Variants in GNAT3 observed in about 807,000 individuals in gnomAD.
GNAT3 encodes the protein G protein subunit alpha transducin 3.
In GNAT3, 31 loss-of-function variants were observed where a neutral mutation model predicts 37.7. The observed-to-expected ratio is 0.82, with a 90% CI of 0.62 to 1.11. The LOEUF (loss-of-function observed/expected upper bound fraction) is 1.11, where lower values mean the gene tolerates loss of function less well. Ranked by LOEUF, GNAT3 falls within the 50% of genes most tolerant of loss-of-function variation. The pLI is 0.00. For synonymous variants in GNAT3, 138 were observed against 139.8 expected (o/e 0.99, Z 0.09); for missense variants, 437 against 412.5 (o/e 1.06, Z -0.51).
intron 7 of GNAT3, among the ~76,000 whole-genome samples, chr7:80,459,401 G>A (rs1790012135): frequency 6.6e-6 from 1 of 152,184 alleles, no homozygotes; most frequent in Non-Finnish European, 1.5e-5. Context: ...GATTTTTGTA[G>A]AGGAATTGTA....
intron 5 of GNAT3, among the ~76,000 whole-genome samples, chr7:80,472,875 C>A (rs1345869316): frequency 6.6e-6 from 1 of 152,104 alleles, no homozygotes; most frequent in African/African-American, 2.4e-5. Context: ...TATTAGGTAA[C>A]CTGGAATTGG....
At chr7:80,488,397 A>G in intron 3 of GNAT3, 138 bp downstream of exon 3, 1 of 632,584 alleles carries the variant, frequency 1.6e-6, no homozygotes, top group Non-Finnish European at 2.6e-6. Context: ...TACACAAAAC[A>G]GAATTAATGT....
At position 80,507,342 on chromosome 7, in the gene GNAT3, C is replaced by T. The variant is rs1790966881; in HGVS notation, c.118+4467G>A. Among the ~76,000 whole-genome samples, 4 of 151,674 alleles carry T rather than the reference C, an allele frequency of 2.6e-5. No individual in the cohort carries two copies. In the South Asian group the frequency reaches 8.3e-4, roughly 32 times the overall value. Reference sequence around the variant, plus strand: ...AGGGATAATTAAAAAAAAATAAAGACATTAAAAAGCACACATAGAATAAAA... The same window carrying T: ...AGGGATAATTAAAAAAAAATAAAGATATTAAAAAGCACACATAGAATAAAA... On this transcript the variant is annotated intron_variant, in intron 1 of 7. Coordinates refer to ENST00000398291, the MANE Select transcript of GNAT3 (RefSeq NM_001102386.3).
chr7:80,465,408 C>T (rs1790114376), intron 5 of GNAT3, among the ~76,000 whole-genome samples: 1 of 152,044 alleles, frequency 6.6e-6, no homozygotes, highest in Non-Finnish European at 1.5e-5. Context: ...CTCATTTAAA[C>T]CTCTTCAGGA....
At chr7:80,466,987 T>G (rs781550625) in intron 5 of GNAT3, among the ~76,000 whole-genome samples, 32 of 152,162 alleles carry the variant, frequency 2.1e-4, no homozygotes, top group Non-Finnish European at 3.2e-4. Context: ...TGGCCTTATG[T>G]TCCTCATAAC....
At chr7:80,465,290 C>A (rs1356779367) in intron 5 of GNAT3, among the ~76,000 whole-genome samples, 1 of 152,026 alleles carries the variant, frequency 6.6e-6, no homozygotes, top group Non-Finnish European at 1.5e-5. Flanking sequence ...TAGTTGAGAT[C>A]ATGACTTTCA....
intron 4 of GNAT3, among the ~76,000 whole-genome samples, chr7:80,474,705 C>T (rs1790276941): frequency 2.6e-5 from 4 of 152,114 alleles, no homozygotes; most frequent in Admixed American, 2.6e-4. Flanking sequence ...TCAACATTGC[C>T]TTAACCTGTA....
intron 2 of GNAT3, among the ~76,000 whole-genome samples, chr7:80,494,276 A>G (rs534309502): frequency 1.1e-4 from 17 of 152,316 alleles, no homozygotes; most frequent in African/African-American, 3.4e-4. Flanking sequence ...AATCAAATAT[A>G]TGATTGATTG....
At chr7:80,477,449 A>G (rs1263818742) in intron 4 of GNAT3, among the ~76,000 whole-genome samples, 2 of 152,194 alleles carry the variant, frequency 1.3e-5, no homozygotes, top group Non-Finnish European at 2.9e-5. Context: ...TCAAGTTGAT[A>G]TAATCACAAA....
At position 80,493,025 on chromosome 7, in the gene GNAT3, G is replaced by T. The variant is rs571747366; in HGVS notation, c.161+1580C>A. Among the ~76,000 whole-genome samples the T allele has an allele frequency of 7.9e-5, 12 of 151,132 alleles. No homozygotes were observed. In the South Asian group the frequency reaches 1.7e-3, roughly 21 times the overall value. On this transcript the variant is annotated intron_variant, in intron 2 of 7. Coordinates refer to ENST00000398291, the MANE Select transcript of GNAT3 (RefSeq NM_001102386.3). The stretch of plus-strand genomic sequence containing the variant: ...TTATTGTTTTACTTAGCAATCTATG[G>T]GCCTTTATATACTAGTCACCAGTTA...
intron 3 of GNAT3, among the ~76,000 whole-genome samples, chr7:80,479,538 G>C (rs1039970382): frequency 6.6e-6 from 1 of 151,626 alleles, no homozygotes. Context: ...TGGGCAACAT[G>C]GCAAAATTTT....
rs1421305086 is a variant in GNAT3, at chr7:80,494,608, A to C, written c.158T>G (p.Met53Arg). ...ESGKSTIVKQ[M>R]KIIHKNGYSE... ...CTTGAGACAGATGTATACCTACTTC[A>C]TTTGTTTAACAATAGTACTTTTCCC... Residue 53 changes from methionine to arginine, a missense_variant, in exon 2 of 8, where the codon ATG (methionine) becomes AGG (arginine). Transcript: ENST00000398291. 3 of 1,514,400 alleles carry C rather than the reference A, an allele frequency of 2.0e-6. No individual in the cohort carries two copies. In the South Asian group the frequency reaches 3.6e-5, roughly 18 times the overall value. 93.8% of individuals were successfully genotyped at this position (1,514,400 alleles called of 1,614,324 possible).
At chr7:80,475,921 G>GA (rs1234002008) in intron 4 of GNAT3, among the ~76,000 whole-genome samples, 18 of 151,994 alleles carry the variant, frequency 1.2e-4, no homozygotes, top group Admixed American at 1.2e-3. Flanking sequence ...AAAAAAGAGT[G>GA]AAACATTAAG....
intron 5 of GNAT3, among the ~76,000 whole-genome samples, chr7:80,465,462 G>C (rs1040346227): frequency 2.0e-5 from 3 of 152,068 alleles, no homozygotes; most frequent in African/African-American, 7.2e-5. Context: ...TTTTCAGAGG[G>C]ACCCTTAAGC....
chr7:80,503,125 T>C (rs2116225886), intron 1 of GNAT3, among the ~76,000 whole-genome samples: 1 of 152,296 alleles, frequency 6.6e-6, no homozygotes, highest in South Asian at 2.1e-4. Flanking sequence ...TCTTATTGAC[T>C]ACAGATACAA....
intron 4 of GNAT3, among the ~76,000 whole-genome samples, chr7:80,476,997 G>A (rs1450221152): frequency 6.6e-6 from 1 of 151,846 alleles, no homozygotes. Context: ...TTACAATATG[G>A]GCAACATTTA....
intron 3 of GNAT3, among the ~76,000 whole-genome samples, chr7:80,482,880 T>C (rs1790415600): frequency 6.6e-6 from 1 of 152,032 alleles, no homozygotes; most frequent in South Asian, 2.1e-4. Context: ...ACTTTATTTG[T>C]AGAGGTATCA....
At chr7:80,459,207 A>T in intron 7 of GNAT3, among the ~76,000 whole-genome samples, 1 of 152,330 alleles carries the variant, frequency 6.6e-6, no homozygotes, top group South Asian at 2.1e-4. Flanking sequence ...GAGAAAAAGA[A>T]TGGAAAAGGT....
intron 1 of GNAT3, among the ~76,000 whole-genome samples, chr7:80,507,133 T>C (rs1029750750): frequency 1.3e-5 from 2 of 152,034 alleles, no homozygotes; most frequent in Middle Eastern, 3.2e-3. Context: ...AGGGGACTTA[T>C]TGGTTAATCC....
Sources: allele counts gnomAD v4.1 joint callset (sites outside exome capture counted in the v4.1 genomes callset), GRCh38; gene constraint gnomAD v4.1.1; transcripts MANE v1.5; gene names NCBI Gene and HGNC (gene_info 2026-07-23, HGNC 2026-07-21).